The following WDFY4 variants were observed in gnomAD, a reference collection of about 807,000 sequenced individuals.
WDFY4 encodes the protein WDFY family member 4.
In WDFY4, 169 loss-of-function variants were observed where a neutral mutation model predicts 351.9. The observed-to-expected ratio is 0.48, with a 90% CI of 0.42 to 0.55. WDFY4 has a LOEUF of 0.55. WDFY4 is among the 20% of genes least tolerant of loss of function. The pLI is 0.00. For synonymous variants in WDFY4, 1,622 were observed against 1,574.6 expected (o/e 1.03, Z -0.71); for missense variants, 3,803 against 3,935.6 (o/e 0.97, Z 0.90).
At chr10:48,923,496 GTA>G (rs374289050) in intron 47 of WDFY4, among the ~76,000 whole-genome samples, 6,320 of 63,100 alleles carry the variant, frequency 0.1, 1,028 homozygotes, top group African/African-American at 0.18. Context: ...ATAGTTTTTA[GTA>G]TATATATATA....
intron 40 of WDFY4, among the ~76,000 whole-genome samples, chr10:48,869,147 G>A (rs2069662782): frequency 6.6e-6 from 1 of 152,188 alleles, no homozygotes. Context: ...ATAGATAATG[G>A]GATGTGGACC....
chr10:48,788,031 T>TCTCC (rs1565199608), intron 20 of WDFY4, among the ~76,000 whole-genome samples: 1 of 113,658 alleles, frequency 8.8e-6, no homozygotes, highest in African/African-American at 4.0e-5. Flanking sequence ...TCCTTCTCCT[T>TCTCC]TTCCTTCTTC....
intron 13 of WDFY4, among the ~76,000 whole-genome samples, chr10:48,769,876 C>A (rs2065802291): frequency 6.6e-6 from 1 of 152,202 alleles, no homozygotes; most frequent in Non-Finnish European, 1.5e-5. Flanking sequence ...TTAAGGCTGC[C>A]CCGCAAATCA....
chr10:48,742,414 G>A (rs2064880542), intron 11 of WDFY4, among the ~76,000 whole-genome samples: 1 of 152,192 alleles, frequency 6.6e-6, no homozygotes, highest in Admixed American at 6.5e-5. Context: ...GCACAGAGAG[G>A]GAGATAAGGA....
At chr10:48,814,855 C>T (rs2067568587) in intron 31 of WDFY4, among the ~76,000 whole-genome samples, 1 of 152,212 alleles carries the variant, frequency 6.6e-6, no homozygotes, top group African/African-American at 2.4e-5. Flanking sequence ...GATACTTCTC[C>T]AAGATTCGAC....
chr10:48,824,040 T>G, intron 35 of WDFY4: 1 of 985,488 alleles, frequency 1.0e-6, no homozygotes, highest in South Asian at 4.7e-5. Context: ...TATTATGGAT[T>G]CTTTTCATGG....
intron 12 of WDFY4, among the ~76,000 whole-genome samples, chr10:48,747,538 C>G (rs1240535815): frequency 2.0e-5 from 3 of 152,048 alleles, no homozygotes; most frequent in Admixed American, 6.5e-5. Context: ...TTTTTCATCT[C>G]TTTGTCTCTC....
chr10:48,906,998 T>G (rs1239467044), intron 47 of WDFY4, among the ~76,000 whole-genome samples: 1 of 152,244 alleles, frequency 6.6e-6, no homozygotes, highest in Non-Finnish European at 1.5e-5. Context: ...AATTTGGTTC[T>G]TCTCTAAAGG....
At chr10:48,783,219 G>A (rs1187463201) in intron 19 of WDFY4, among the ~76,000 whole-genome samples, 1 of 152,106 alleles carries the variant, frequency 6.6e-6, no homozygotes, top group Admixed American at 6.5e-5. Context: ...ATAAAATGGT[G>A]TAGTATTTGC....
chr10:48,733,203 T>C (rs1368241644), intron 9 of WDFY4, among the ~76,000 whole-genome samples: 1 of 152,234 alleles, frequency 6.6e-6, no homozygotes, highest in South Asian at 2.1e-4. Context: ...AACTTTTTTG[T>C]GAGCTCATGC....
intron 43 of WDFY4, 104 bp from the exon 44 acceptor site, chr10:48,890,475 C>A: frequency 7.2e-7 from 1 of 1,398,294 alleles, no homozygotes. Flanking sequence ...CTGCTCTCAC[C>A]TCCAATTGCC....
intron 15 of WDFY4, among the ~76,000 whole-genome samples, chr10:48,776,451 G>A (rs890728723): frequency 6.6e-6 from 1 of 152,074 alleles, no homozygotes; most frequent in East Asian, 1.9e-4. Flanking sequence ...ACTCCAATGG[G>A]GCAAGCCAGA....
At chr10:48,691,258 T>G (rs1299874510) in intron 1 of WDFY4, among the ~76,000 whole-genome samples, 2 of 150,430 alleles carry the variant, frequency 1.3e-5, no homozygotes, top group African/African-American at 4.9e-5. Flanking sequence ...TCACCCTGAC[T>G]TAGGGTGGCA....
At chr10:48,971,641 T>C (rs994676636) in intron 57 of WDFY4, among the ~76,000 whole-genome samples, 2 of 152,190 alleles carry the variant, frequency 1.3e-5, no homozygotes, top group African/African-American at 4.8e-5. Context: ...GCCACTTCTG[T>C]CACCCTAGAC....
In WDFY4 at chr10:48,947,019, C is replaced by CAT. The variant is rs1315767816; in HGVS notation, c.7977+52_7977+53dup. 7 of 1,286,948 alleles carry CAT rather than the reference C, an allele frequency of 5.4e-6. No individual in the cohort carries two copies. In the African/African-American group the frequency reaches 1.0e-4, roughly 19 times the overall value. 79.7% of individuals were successfully genotyped at this position (1,286,948 alleles called of 1,614,324 possible). ...ACACACACACACACACACACACACA[C>CAT]ATACGCCTGTATCACAAGACTAAGA... On this transcript the variant is annotated intron_variant, in intron 51 of 61. Coordinates refer to ENST00000325239, the MANE Select transcript of WDFY4 (RefSeq NM_001394531.1).
At chr10:48,914,759 C>A (rs1046956751) in intron 47 of WDFY4, among the ~76,000 whole-genome samples, 4 of 152,184 alleles carry the variant, frequency 2.6e-5, no homozygotes, top group African/African-American at 9.7e-5. Context: ...GAGGCCTTGG[C>A]TACAGTCCAA....
intron 1 of WDFY4, among the ~76,000 whole-genome samples, chr10:48,690,356 C>T (rs1380845106): frequency 6.6e-6 from 1 of 152,208 alleles, no homozygotes; most frequent in African/African-American, 2.4e-5. Flanking sequence ...ACATTAATTA[C>T]AAGCAAAATA....
chr10:48,792,867 C>G (rs1277493354), intron 23 of WDFY4, among the ~76,000 whole-genome samples: 1 of 152,096 alleles, frequency 6.6e-6, no homozygotes, highest in African/African-American at 2.4e-5. Context: ...ATTGCCTAGT[C>G]CTGGGGATGG....
At chr10:48,727,691 C>A (rs1161068421) in intron 7 of WDFY4, 32 bp downstream of exon 7, 1 of 1,548,508 alleles carries the variant, frequency 6.5e-7, no homozygotes, top group East Asian at 2.4e-5. Flanking sequence ...GGGGAGAGCA[C>A]AGGACCACCA....
Sources: gnomAD v4.1 joint callset for allele counts (sites outside exome capture counted in the v4.1 genomes callset) on GRCh38, gnomAD v4.1.1 for gene constraint, MANE v1.5 for transcripts, NCBI Gene and HGNC (gene_info 2026-07-23, HGNC 2026-07-21) for gene names.